MSRA: variants seen among roughly 807,000 people sequenced by gnomAD.
The protein encoded by MSRA is methionine sulfoxide reductase A.
In MSRA, 54 loss-of-function variants were observed where a neutral mutation model predicts 31.3. The observed-to-expected ratio is 1.73, with a 90% confidence interval of 1.39 to 2.17. The LOEUF (loss-of-function observed/expected upper bound fraction) is 2.17. Among genes scored for constraint, MSRA ranks in the 30% most tolerant of loss-of-function variants. The pLI is 0.00. For missense variants in MSRA, 507 were observed against 300.9 expected (o/e 1.69, Z -5.07); for synonymous variants, 169 against 116.5 (o/e 1.45, Z -2.90).
intron 2 of MSRA, among the ~76,000 whole-genome samples, chr8:10,228,767 G>C (rs1585220271): frequency 6.6e-6 from 1 of 152,154 alleles, no homozygotes; most frequent in East Asian, 1.9e-4. Flanking sequence ...CCTTAAGTTG[G>C]GGCTAGTAGC....
Position 10,301,546 on chromosome 8 carries a change from A to G in MSRA, c.344A>G (p.His115Arg), listed in dbSNP as rs1447723168. 1.2e-6 allele frequency: 2 copies of G among 1,613,464 alleles called. No homozygotes were observed. The highest frequency in any genetic ancestry group is 2.7e-5 in the African/African-American group (2 of 74,900). The change falls in exon 4 of 6, where the codon CAT (histidine) becomes CGT (arginine). Residue 115 changes from histidine to arginine, a missense_variant. Coordinates refer to ENST00000317173, the MANE Select transcript of MSRA (RefSeq NM_012331.5). ...YKEVCSEKTG[H>R]AEVVRVVYQP... ...TGTTTTTTCCAAGAAAAAACTGGCC[A>G]TGCAGAAGTCGTCCGAGTGGTGTAC... is the stretch of plus-strand genomic sequence containing the variant.
At chr8:10,094,972 A>G (rs1585133207) in intron 1 of MSRA, among the ~76,000 whole-genome samples, 2 of 152,194 alleles carry the variant, frequency 1.3e-5, no homozygotes, top group Non-Finnish European at 2.9e-5. Flanking sequence ...AAAATTTTGA[A>G]TAGGTACAGT....
chr8:10,170,683 A>G (rs1164672077), intron 1 of MSRA, among the ~76,000 whole-genome samples: 3 of 152,204 alleles, frequency 2.0e-5, no homozygotes, highest in African/African-American at 4.8e-5. Flanking sequence ...CATAGGTTAC[A>G]TGCTTATACT....
chr8:10,374,532 C>T (rs573678130), intron 5 of MSRA, among the ~76,000 whole-genome samples: 7 of 152,178 alleles, frequency 4.6e-5, no homozygotes, highest in South Asian at 2.1e-4. Flanking sequence ...TTTTACAAAT[C>T]GCCCAAGGTC....
At chr8:10,117,906 A>G (rs368567287) in intron 1 of MSRA, among the ~76,000 whole-genome samples, 10 of 152,210 alleles carry the variant, frequency 6.6e-5, no homozygotes, top group African/African-American at 2.4e-4. Context: ...GCCCAAATCA[A>G]CACAAATGTA....
chr8:10,141,334 G>A lies in MSRA; in HGVS notation c.143-66499G>A, dbSNP rs1398259711. Among the ~76,000 whole-genome samples, 3 of 152,162 alleles carry A rather than the reference G, an allele frequency of 2.0e-5. 1 individual carries two copies. The highest frequency in any genetic ancestry group is 1.3e-4 in the Admixed American group (2 of 15,276). ...GAGGTGAGGAAGCAGACCTAGAAAA[G>A]TTTCCATGACTTGTGTGATAGCACA... On this transcript the variant is annotated intron_variant, in intron 1 of 5. Transcript: ENST00000317173.
intron 1 of MSRA, among the ~76,000 whole-genome samples, chr8:10,063,293 C>A (rs1335173142): frequency 6.6e-6 from 1 of 152,190 alleles, no homozygotes; most frequent in African/African-American, 2.4e-5. Flanking sequence ...TCTTCACTCT[C>A]CCCTGCCTGA....
chr8:10,274,278 C>T (rs1799204151), intron 3 of MSRA, among the ~76,000 whole-genome samples: 1 of 152,156 alleles, frequency 6.6e-6, no homozygotes, highest in Admixed American at 6.5e-5. Flanking sequence ...GGAGCAGGTC[C>T]ATTGTTTTCA....
At chr8:10,276,710 A>G (rs1799340383) in intron 3 of MSRA, among the ~76,000 whole-genome samples, 1 of 152,214 alleles carries the variant, frequency 6.6e-6, no homozygotes, top group Non-Finnish European at 1.5e-5. Flanking sequence ...TTAATGTTTC[A>G]GGAGCAACTG....
At chr8:10,217,275 A>C (rs958651983) in intron 2 of MSRA, among the ~76,000 whole-genome samples, 2 of 152,226 alleles carry the variant, frequency 1.3e-5, no homozygotes, top group Non-Finnish European at 1.5e-5. Context: ...ATGGCACCCT[A>C]GGAGTGAGCG....
chr8:10,211,344 T>G (rs145311173), intron 2 of MSRA, among the ~76,000 whole-genome samples: 2 of 152,310 alleles, frequency 1.3e-5, no homozygotes, highest in East Asian at 1.9e-4. Context: ...TCTCCTGGTC[T>G]CCTTTTCTCT....
chr8:10,093,118 T>A (rs1004295257), intron 1 of MSRA, among the ~76,000 whole-genome samples: 6 of 152,266 alleles, frequency 3.9e-5, no homozygotes, highest in African/African-American at 1.4e-4. Flanking sequence ...AGTTGAATTT[T>A]GTTTTAAAAT....
chr8:10,356,615 T>G (rs539778335), intron 5 of MSRA, among the ~76,000 whole-genome samples: 15 of 152,268 alleles, frequency 9.9e-5, no homozygotes, highest in Admixed American at 9.8e-4. Context: ...TGAAAGGTGA[T>G]TTGGTTGTGA....
intron 1 of MSRA, among the ~76,000 whole-genome samples, chr8:10,134,021 G>A (rs968587775): frequency 6.6e-6 from 1 of 152,010 alleles, no homozygotes; most frequent in Admixed American, 6.6e-5. Context: ...AGTAGAGAAG[G>A]GGTTTCACCA....
At chr8:10,393,394 A>AT (rs1563429222) in intron 5 of MSRA, among the ~76,000 whole-genome samples, 1 of 152,106 alleles carries the variant, frequency 6.6e-6, no homozygotes, top group East Asian at 1.9e-4. Flanking sequence ...GCTGAGAGGG[A>AT]TTTTTTTACT....
At chr8:10,083,542 G>A (rs1798395144) in intron 1 of MSRA, among the ~76,000 whole-genome samples, 1 of 152,122 alleles carries the variant, frequency 6.6e-6, no homozygotes. Flanking sequence ...TTTTTCAAGG[G>A]TGAATCATAA....
At chr8:10,315,909 C>G (rs1227836599) in intron 4 of MSRA, among the ~76,000 whole-genome samples, 2 of 152,194 alleles carry the variant, frequency 1.3e-5, no homozygotes, top group African/African-American at 2.4e-5. Flanking sequence ...CCCTTTTACA[C>G]AAACAAAATT....
At chr8:10,112,036 T>C (rs1048719484) in intron 1 of MSRA, among the ~76,000 whole-genome samples, 1 of 93,436 alleles carries the variant, frequency 1.1e-5, no homozygotes, top group African/African-American at 3.5e-5. Flanking sequence ...GACTCAGTTT[T>C]TTTTTTGACT....
chr8:10,096,324 C>G (rs1799153568), intron 1 of MSRA: 3 of 1,074,394 alleles, frequency 2.8e-6, no homozygotes, highest in South Asian at 4.4e-5. Flanking sequence ...GAAATGTGAG[C>G]TTGGTCATTA....
Sources: gnomAD v4.1 joint callset for allele counts (sites outside exome capture counted in the v4.1 genomes callset) on GRCh38, gnomAD v4.1.1 for gene constraint, MANE v1.5 for transcripts, NCBI Gene and HGNC (gene_info 2026-07-23, HGNC 2026-07-21) for gene names.